The following DLG2 variants were observed in gnomAD, a reference collection of about 807,000 sequenced individuals.
DLG2 encodes disks large homolog 2.
A neutral mutation model predicts 132.5 loss-of-function variants in DLG2; 45 were observed. That is an observed-to-expected ratio of 0.34 (90% confidence interval 0.27 to 0.44). The LOEUF is 0.44. DLG2 is among the 20% of genes least tolerant of loss of function. The probability of loss-of-function intolerance (pLI) is 1.00; values close to 1 mark genes in which losing one functional copy is unlikely to be tolerated. For synonymous variants in DLG2, 424 were observed against 419.6 expected (o/e 1.01, Z -0.13); for missense variants, 1,045 against 1,196.9 (o/e 0.87, Z 1.87).
chr11:85,476,401 T>C (rs1294385852), intron 3 of DLG2, among the ~76,000 whole-genome samples: 2 of 152,140 alleles, frequency 1.3e-5, no homozygotes, highest in Non-Finnish European at 2.9e-5. Flanking sequence ...TTATAAACAC[T>C]GTACACTTAC....
rs368049428 is a variant in DLG2, at chr11:84,320,631, G to A, written c.520-69340C>T. Among the ~76,000 whole-genome samples, 312 of 152,242 alleles carry A rather than the reference G, an allele frequency of 2.0e-3. 4 individuals carry two copies. The highest frequency in any genetic ancestry group is 7.2e-3 in the African/African-American group (299 of 41,538). On this transcript the variant is annotated intron_variant, in intron 7 of 27. Transcript: ENST00000376104. ...TTCAAAATAAGAAAGCCAGGAATACGTAAAGTATTTTAGGCTCTAAAATTA... is the reference window on the plus strand; with the variant it reads ...TTCAAAATAAGAAAGCCAGGAATACATAAAGTATTTTAGGCTCTAAAATTA...
intron 22 of DLG2, among the ~76,000 whole-genome samples, chr11:83,475,953 C>G (rs1262271817): frequency 6.6e-6 from 1 of 152,010 alleles, no homozygotes; most frequent in Non-Finnish European, 1.5e-5. Context: ...TCAGCAGCTG[C>G]CAGAGACTTC....
At chr11:84,735,394 A>G (rs972198075) in intron 6 of DLG2, among the ~76,000 whole-genome samples, 2 of 152,038 alleles carry the variant, frequency 1.3e-5, no homozygotes, top group African/African-American at 4.8e-5. Context: ...GAATTTACCC[A>G]TTTCTTCTAG....
chr11:83,553,889 C>CTTT (rs57434000), intron 19 of DLG2, among the ~76,000 whole-genome samples: 38 of 142,854 alleles, frequency 2.7e-4, no homozygotes, highest in African/African-American at 9.2e-4. Context: ...ACAATCTTTT[C>CTTT]TTTTTTTTTC....
rs542436285 is a variant in DLG2, at chr11:83,905,549, C to G, written c.1496+24779G>C. On this transcript the variant is annotated intron_variant, in intron 15 of 27. Transcript: ENST00000376104. ...ACCCACAGCAAAGGGATGAGGTCTA[C>G]TTTGTTCTCCAAAGCTTTTAGCAAA... Among the ~76,000 whole-genome samples the G allele has an allele frequency of 6.2e-4, 95 of 152,274 alleles. 2 individuals carry two copies. The South Asian group carries it at 0.019, about 30-fold the overall frequency.
rs58111596 is a variant in DLG2 at position 84,298,521 on chromosome 11, A to G, written c.520-47230T>C. Among the ~76,000 whole-genome samples, 595 of 152,328 alleles carry G rather than the reference A, an allele frequency of 3.9e-3. 2 individuals are homozygous for G. The highest frequency in any genetic ancestry group is 0.014 in the African/African-American group (562 of 41,576). ...AAAGATACCACCCTTTCAATCACTC[A>G]TAAACATTTTCAGGTCCTATCCTGG... On this transcript the variant is annotated intron_variant, in intron 7 of 27. Transcript: ENST00000376104.
At chr11:85,373,705 T>C (rs1437210084) in intron 3 of DLG2, among the ~76,000 whole-genome samples, 1 of 152,092 alleles carries the variant, frequency 6.6e-6, no homozygotes, top group African/African-American at 2.4e-5. Flanking sequence ...AGAGTCCCTG[T>C]TTTCCCCTTT....
intron 8 of DLG2, among the ~76,000 whole-genome samples, chr11:84,246,876 A>AT (rs993452753): frequency 6.6e-5 from 10 of 151,466 alleles, no homozygotes; most frequent in East Asian, 3.9e-4. Flanking sequence ...ATTGCCGCTG[A>AT]TTTTTTTTTG....
At chr11:83,696,647 G>T (rs750244854) in intron 18 of DLG2, among the ~76,000 whole-genome samples, 1 of 152,204 alleles carries the variant, frequency 6.6e-6, no homozygotes, top group Non-Finnish European at 1.5e-5. Context: ...AATGGAAACA[G>T]AAATGACCAA....
intron 6 of DLG2, among the ~76,000 whole-genome samples, chr11:85,104,615 A>C (rs918577269): frequency 6.6e-6 from 1 of 151,868 alleles, no homozygotes; most frequent in Non-Finnish European, 1.5e-5. Context: ...AATGTCCCAG[A>C]AATGTCCCAA....
At chr11:85,547,096 C>A (rs544614296) in intron 3 of DLG2, among the ~76,000 whole-genome samples, 2 of 152,244 alleles carry the variant, frequency 1.3e-5, no homozygotes, top group South Asian at 4.1e-4. Flanking sequence ...TTATTCATAG[C>A]GTCGATGGTC....
intron 6 of DLG2, among the ~76,000 whole-genome samples, chr11:84,609,837 C>T (rs534179064): frequency 6.6e-6 from 1 of 152,018 alleles, no homozygotes; most frequent in East Asian, 1.9e-4. Flanking sequence ...CCAAAGCAAT[C>T]TCAGTATTTA....
intron 19 of DLG2, among the ~76,000 whole-genome samples, chr11:83,594,560 A>G (rs774205282): frequency 4.6e-5 from 7 of 152,222 alleles, no homozygotes; most frequent in Non-Finnish European, 7.3e-5. Flanking sequence ...GTATTGTCGT[A>G]CATTGAAGCA....
At chr11:85,548,696 G>A (rs1225872240) in intron 3 of DLG2, among the ~76,000 whole-genome samples, 1 of 152,138 alleles carries the variant, frequency 6.6e-6, no homozygotes, top group African/African-American at 2.4e-5. Flanking sequence ...CCAGAGAGGA[G>A]GGAATCTGGA....
intron 17 of DLG2, among the ~76,000 whole-genome samples, chr11:83,816,962 G>A (rs746494131): frequency 1.6e-4 from 22 of 135,638 alleles, no homozygotes; most frequent in Non-Finnish European, 3.0e-4. Context: ...TGTGTCCTGC[G>A]CAATACAGGT....
chr11:84,018,585 G>T (rs896193032), intron 11 of DLG2, among the ~76,000 whole-genome samples: 3 of 151,850 alleles, frequency 2.0e-5, no homozygotes, highest in African/African-American at 7.2e-5. Flanking sequence ...TATTATAAAA[G>T]GGCGTGCCAT....
At chr11:84,437,145 T>G (rs1456865370) in intron 7 of DLG2, among the ~76,000 whole-genome samples, 1 of 152,188 alleles carries the variant, frequency 6.6e-6, no homozygotes, top group East Asian at 1.9e-4. Context: ...AGACACTGTA[T>G]CAGTTGATGA....
chr11:83,751,623 C>T (rs1485359999), intron 18 of DLG2, among the ~76,000 whole-genome samples: 3 of 152,062 alleles, frequency 2.0e-5, no homozygotes, highest in African/African-American at 7.2e-5. Context: ...ATCAAATTTG[C>T]TTATGGATCA....
intron 6 of DLG2, among the ~76,000 whole-genome samples, chr11:84,888,576 C>A (rs1283653395): frequency 6.6e-6 from 1 of 152,044 alleles, no homozygotes; most frequent in African/African-American, 2.4e-5. Flanking sequence ...CTCTTTCTCT[C>A]CTTTTTATAT....
Sources: allele counts gnomAD v4.1 joint callset (sites outside exome capture counted in the v4.1 genomes callset), GRCh38; gene constraint gnomAD v4.1.1; transcripts MANE v1.5; gene names NCBI Gene and HGNC (gene_info 2026-07-23, HGNC 2026-07-21).